DENND10: variants seen among roughly 807,000 people sequenced by gnomAD.
DENND10 encodes the protein DENN domain containing 10.
In DENND10, 24 loss-of-function variants were observed where a neutral mutation model predicts 43.6. That is an observed-to-expected ratio of 0.55 (90% CI 0.40 to 0.77). The LOEUF is 0.77. Among genes scored for constraint, DENND10 ranks in the 30% least tolerant of loss-of-function variants. The pLI, the probability that DENND10 is intolerant of heterozygous loss-of-function variation, is 0.00. For synonymous variants in DENND10, 125 were observed against 157.6 expected (o/e 0.79, Z 1.55); for missense variants, 303 against 429.9 (o/e 0.70, Z 2.61).
chr10:119,130,644 T>A (rs989402615), intron 7 of DENND10, among the ~76,000 whole-genome samples: 2 of 152,176 alleles, frequency 1.3e-5, no homozygotes, highest in Non-Finnish European at 2.9e-5. Context: ...GAATGACTTA[T>A]GTAGAGGTAG....
At chr10:119,127,887 T>C (rs1326962426) in intron 6 of DENND10, among the ~76,000 whole-genome samples, 1 of 152,092 alleles carries the variant, frequency 6.6e-6, no homozygotes, top group Admixed American at 6.6e-5. Flanking sequence ...ACCTCGGCTT[T>C]CCAAAGTGCT....
chr10:119,130,646 T>C (rs1470194074), intron 7 of DENND10, among the ~76,000 whole-genome samples: 1 of 152,166 alleles, frequency 6.6e-6, no homozygotes, highest in Non-Finnish European at 1.5e-5. Flanking sequence ...ATGACTTATG[T>C]AGAGGTAGTT....
intron 7 of DENND10, among the ~76,000 whole-genome samples, chr10:119,131,026 C>T (rs1846063267): frequency 1.3e-5 from 2 of 152,216 alleles, no homozygotes; most frequent in African/African-American, 2.4e-5. Context: ...TATCACTACA[C>T]AGGGTTAAAT....
chr10:119,114,774 A>T (rs540706422), intron 3 of DENND10, among the ~76,000 whole-genome samples: 1 of 145,694 alleles, frequency 6.9e-6, no homozygotes, highest in African/African-American at 2.5e-5. Context: ...CTATTTTATA[A>T]TTTTTTTTTT....
At chr10:119,129,185 C>G (rs569461965) in intron 6 of DENND10, among the ~76,000 whole-genome samples, 1 of 152,260 alleles carries the variant, frequency 6.6e-6, no homozygotes, top group Admixed American at 6.5e-5. Flanking sequence ...AGGCAAAGAC[C>G]TGAAGGGGGA....
chr10:119,116,921 T>A (rs1845311972), intron 3 of DENND10, among the ~76,000 whole-genome samples: 1 of 151,736 alleles, frequency 6.6e-6, no homozygotes, highest in South Asian at 2.1e-4. Flanking sequence ...CTCAGGTGAT[T>A]CGCCTGCTTT....
intron 1 of DENND10, 67 bp downstream of exon 1, chr10:119,104,264 G>GGGCAGTCCGGGCTCCCGC (rs1844571894): frequency 1.1e-5 from 16 of 1,409,114 alleles, no homozygotes; most frequent in Non-Finnish European, 1.4e-5. Context: ...CCTCGGCCCG[G>GGGCAGTCCGGGCTCCCGC]GGCAGCCCGG....
intron 6 of DENND10, among the ~76,000 whole-genome samples, chr10:119,126,566 G>A (rs934133276): frequency 6.6e-6 from 1 of 152,134 alleles, no homozygotes; most frequent in African/African-American, 2.4e-5. Flanking sequence ...CCTGGTTCAA[G>A]CAGTTCTCTT....
At chr10:119,110,438 A>G (rs1844922244) in intron 2 of DENND10, among the ~76,000 whole-genome samples, 1 of 152,114 alleles carries the variant, frequency 6.6e-6, no homozygotes, top group South Asian at 2.1e-4. Flanking sequence ...TTTATAATAT[A>G]GAGGCATATA....
chr10:119,117,483 A>T (rs1301180573), intron 3 of DENND10, 36 bp from the exon 4 acceptor site: 1 of 1,602,502 alleles, frequency 6.2e-7, no homozygotes, highest in Non-Finnish European at 8.5e-7. Context: ...TTTGTGCCAA[A>T]TGAAATCACA....
intron 8 of DENND10, among the ~76,000 whole-genome samples, chr10:119,135,449 T>C (rs1345388619): frequency 6.6e-6 from 1 of 152,144 alleles, no homozygotes; most frequent in Admixed American, 6.6e-5. Context: ...ATGGAATGTT[T>C]TGAATGTGGC....
At chr10:119,105,432 G>T (rs1844644161) in intron 1 of DENND10, 1 of 612,276 alleles carries the variant, frequency 1.6e-6, no homozygotes, top group Admixed American at 4.0e-5. Flanking sequence ...GACCTCAGGC[G>T]TGCACCACCA....
intron 8 of DENND10, chr10:119,133,823 C>T (rs1658282821): frequency 6.6e-6 from 1 of 151,966 alleles, no homozygotes; most frequent in Non-Finnish European, 1.5e-5. Flanking sequence ...CCCACCTACC[C>T]CCAACATTAG....
chr10:119,105,708 G>A (rs1468179562), intron 1 of DENND10: 1 of 173,356 alleles, frequency 5.8e-6, no homozygotes, highest in Non-Finnish European at 1.2e-5. Flanking sequence ...GGGGTTTGCA[G>A]CCAGCCTGGG....
At chr10:119,116,480 G>A (rs145831193) in intron 3 of DENND10, among the ~76,000 whole-genome samples, 1 of 152,242 alleles carries the variant, frequency 6.6e-6, no homozygotes, top group East Asian at 1.9e-4. Flanking sequence ...GTATGACTGA[G>A]AACCCCAGTT....
At chr10:119,108,238 A>T in intron 2 of DENND10, 74 bp downstream of exon 2, 1 of 1,060,504 alleles carries the variant, frequency 9.4e-7, no homozygotes. Flanking sequence ...TAATCCCAGC[A>T]CTTTGGGAGG....
At chr10:119,108,221 A>G (rs1479434830) in intron 2 of DENND10, 57 bp downstream of exon 2, 2 of 1,248,644 alleles carry the variant, frequency 1.6e-6, no homozygotes, top group Admixed American at 1.8e-5. Context: ...GCGGTGGCTC[A>G]TGCCTGTAAT....
chr10:119,105,672 T>G (rs1042478314), intron 1 of DENND10: 29 of 257,678 alleles, frequency 1.1e-4, no homozygotes, highest in African/African-American at 6.7e-4. Flanking sequence ...AGTTTTTTAA[T>G]TATTCACACT....
At chr10:119,109,300 TG>T (rs1246937258) in intron 2 of DENND10, among the ~76,000 whole-genome samples, 10 of 152,060 alleles carry the variant, frequency 6.6e-5, no homozygotes, top group Admixed American at 6.6e-4. Context: ...TTGTTTGATA[TG>T]AACAGTATCA....
Sources: gnomAD v4.1 joint callset for allele counts (sites outside exome capture counted in the v4.1 genomes callset) on GRCh38, gnomAD v4.1.1 for gene constraint, MANE v1.5 for transcripts, NCBI Gene and HGNC (gene_info 2026-07-23, HGNC 2026-07-21) for gene names.